The following OSBPL10 variants were observed in gnomAD, a reference collection of about 807,000 sequenced individuals.
OSBPL10 encodes the protein oxysterol-binding protein-related protein 10.
A neutral mutation model predicts 81.7 loss-of-function variants in OSBPL10; 49 were observed. The observed-to-expected ratio is 0.60, with a 90% CI of 0.48 to 0.76. The LOEUF (loss-of-function observed/expected upper bound fraction) is 0.76. Ranked by LOEUF, OSBPL10 falls within the 30% of genes least tolerant of loss-of-function variation. OSBPL10 has a pLI of 0.00. For missense variants in OSBPL10, 923 were observed against 987.8 expected (o/e 0.93, Z 0.88); for synonymous variants, 419 against 383.6 (o/e 1.09, Z -1.08).
At chr3:31,826,259 C>T (rs1261261306) in intron 4 of OSBPL10, among the ~76,000 whole-genome samples, 1 of 152,174 alleles carries the variant, frequency 6.6e-6, no homozygotes, top group South Asian at 2.1e-4. Flanking sequence ...TAATACCCCA[C>T]CAATAATGGG....
chr3:31,735,626 T>TA (rs1697130808), intron 5 of OSBPL10, among the ~76,000 whole-genome samples: 1 of 152,184 alleles, frequency 6.6e-6, no homozygotes, highest in South Asian at 2.1e-4. Context: ...ATGACAGTCT[T>TA]AGAGTGTTTG....
chr3:31,840,244 G>GTC (rs1700459116), intron 3 of OSBPL10, among the ~76,000 whole-genome samples: 1 of 152,076 alleles, frequency 6.6e-6, no homozygotes, highest in East Asian at 1.9e-4. Context: ...GGTCAAACCA[G>GTC]CCATGGGATG....
intron 1 of OSBPL10, among the ~76,000 whole-genome samples, chr3:31,944,168 A>T (rs1697624467): frequency 6.6e-6 from 1 of 152,068 alleles, no homozygotes; most frequent in South Asian, 2.1e-4. Context: ...TTACTATTTT[A>T]GCATATCTTA....
intron 4 of OSBPL10, among the ~76,000 whole-genome samples, chr3:31,825,464 G>T (rs2125517279): frequency 6.6e-6 from 1 of 152,298 alleles, no homozygotes; most frequent in African/African-American, 2.4e-5. Flanking sequence ...TGGGACTACA[G>T]GCATGAGCCA....
chr3:31,848,542 A>C (rs1700689867), intron 3 of OSBPL10, among the ~76,000 whole-genome samples: 1 of 152,274 alleles, frequency 6.6e-6, no homozygotes, highest in Non-Finnish European at 1.5e-5. Flanking sequence ...ACGAAAAGTA[A>C]CCAGGTTAAA....
At chr3:31,868,560 G>A (rs1183454469) in intron 3 of OSBPL10, among the ~76,000 whole-genome samples, 2 of 151,898 alleles carry the variant, frequency 1.3e-5, no homozygotes, top group Non-Finnish European at 2.9e-5. Context: ...AGCCCAACTA[G>A]CATCACAGCA....
At chr3:31,815,638 T>C (rs9849545) in intron 4 of OSBPL10, among the ~76,000 whole-genome samples, 102,818 of 152,012 alleles carry the variant, frequency 0.68, 35,581 homozygotes, top group East Asian at 0.93. Context: ...TGCTGGAAGC[T>C]GAACAAGATG....
chr3:31,775,615 A>C (rs932807370), intron 4 of OSBPL10, among the ~76,000 whole-genome samples: 2 of 152,244 alleles, frequency 1.3e-5, no homozygotes, highest in Admixed American at 6.5e-5. Context: ...CAAAATTATG[A>C]TAGGGCACTG....
intron 2 of OSBPL10, among the ~76,000 whole-genome samples, chr3:32,019,736 T>C (rs1384184416): frequency 6.6e-6 from 1 of 152,220 alleles, no homozygotes; most frequent in Non-Finnish European, 1.5e-5. Flanking sequence ...ATTAACTCTG[T>C]TTCTTCGCAA....
At chr3:31,969,732 G>A (rs1311685435) in intron 1 of OSBPL10, among the ~76,000 whole-genome samples, 1 of 152,176 alleles carries the variant, frequency 6.6e-6, no homozygotes, top group East Asian at 1.9e-4. Context: ...GCAGGCACCT[G>A]TAATCCCAGC....
intron 2 of OSBPL10, among the ~76,000 whole-genome samples, chr3:32,028,927 G>A (rs1026971): frequency 0.23 from 24,511 of 105,352 alleles, 4,434 homozygotes; most frequent in East Asian, 0.34. Flanking sequence ...AGCTAGTCAG[G>A]ACACACACAC....
At chr3:31,730,666 C>G (rs1696948155) in intron 6 of OSBPL10, among the ~76,000 whole-genome samples, 1 of 152,204 alleles carries the variant, frequency 6.6e-6, no homozygotes, top group Non-Finnish European at 1.5e-5. Context: ...TCTTCTAACT[C>G]ACGTATTAAA....
chr3:31,744,186 T>C (rs1423893715), intron 5 of OSBPL10, among the ~76,000 whole-genome samples: 1 of 152,226 alleles, frequency 6.6e-6, no homozygotes, highest in Non-Finnish European at 1.5e-5. Flanking sequence ...GTGATCGTGA[T>C]GCTTCATGCT....
At chr3:32,072,035 C>A (rs935385123) in intron 1 of OSBPL10, among the ~76,000 whole-genome samples, 7 of 152,162 alleles carry the variant, frequency 4.6e-5, no homozygotes, top group African/African-American at 1.7e-4. Flanking sequence ...CTCTGCCCCC[C>A]TCTACTACCT....
intron 3 of OSBPL10, among the ~76,000 whole-genome samples, chr3:31,848,046 G>A (rs781267069): frequency 1.3e-4 from 20 of 152,224 alleles, no homozygotes; most frequent in Non-Finnish European, 1.8e-4. Context: ...TACCTGGAGC[G>A]GAGAGCAGGG....
intron 11 of OSBPL10, 120 bp downstream of exon 11, chr3:31,663,959 T>TC: frequency 1.9e-6 from 3 of 1,607,824 alleles, no homozygotes; most frequent in Admixed American, 1.7e-5. Flanking sequence ...GCTGCCCTAG[T>TC]CCATCCCTTC....
chr3:31,664,790 G>T (rs1189185138), intron 10 of OSBPL10, among the ~76,000 whole-genome samples: 1 of 152,138 alleles, frequency 6.6e-6, no homozygotes, highest in East Asian at 1.9e-4. Context: ...TGATGTGTGG[G>T]TATTTGTGTG....
At chr3:31,949,372 A>T (rs1697796108) in intron 1 of OSBPL10, among the ~76,000 whole-genome samples, 1 of 152,208 alleles carries the variant, frequency 6.6e-6, no homozygotes, top group Non-Finnish European at 1.5e-5. Flanking sequence ...GAAATATAAA[A>T]GGATACTGGG....
chr3:31,995,914 T>C (rs1699086712), intron 2 of OSBPL10, among the ~76,000 whole-genome samples: 1 of 151,972 alleles, frequency 6.6e-6, no homozygotes, highest in African/African-American at 2.4e-5. Flanking sequence ...ATCCATGACA[T>C]CTCCCCTTCC....
Sources: allele counts gnomAD v4.1 joint callset (sites outside exome capture counted in the v4.1 genomes callset), GRCh38; gene constraint gnomAD v4.1.1; transcripts MANE v1.5; gene names NCBI Gene and HGNC (gene_info 2026-07-23, HGNC 2026-07-21).